The following ADGRB1 variants were observed in gnomAD, a reference collection of about 807,000 sequenced individuals.
The protein encoded by ADGRB1 is brain-specific angiogenesis inhibitor 1.
A neutral mutation model predicts 175.7 loss-of-function variants in ADGRB1; 36 were observed. The observed-to-expected ratio is 0.20, with a 90% CI of 0.16 to 0.27. ADGRB1 has a LOEUF of 0.27. Ranked by LOEUF, ADGRB1 falls within the 10% of genes least tolerant of loss-of-function variation. The probability of loss-of-function intolerance (pLI) is 1.00; values close to 1 mark genes in which losing one functional copy is unlikely to be tolerated. For missense variants in ADGRB1, 1,731 were observed against 2,255.3 expected (o/e 0.77, Z 4.71); for synonymous variants, 1,054 against 979.4 (o/e 1.08, Z -1.42).
chr8:142,478,121 A>T, intron 6 of ADGRB1, 66 bp from the exon 7 acceptor site: 1 of 1,549,818 alleles, frequency 6.5e-7, no homozygotes. Context: ...GCTCACACCC[A>T]CATTCCAAGC....
At chr8:142,522,910 C>T (rs1843934962) in intron 22 of ADGRB1, among the ~76,000 whole-genome samples, 200 bp downstream of exon 22, 1 of 152,220 alleles carries the variant, frequency 6.6e-6, no homozygotes, top group Non-Finnish European at 1.5e-5. Context: ...CAGCTTCTCC[C>T]TGGCAGCGAG....
At chr8:142,538,780 TC>T (rs562533094) in intron 26 of ADGRB1, among the ~76,000 whole-genome samples, 4 of 151,368 alleles carry the variant, frequency 2.6e-5, no homozygotes, top group Non-Finnish European at 5.9e-5. Context: ...ATGTTCAACA[TC>T]CCCCCCCACC....
At chr8:142,477,753 T>C (rs1051454482) in intron 6 of ADGRB1, among the ~76,000 whole-genome samples, 1 of 152,152 alleles carries the variant, frequency 6.6e-6, no homozygotes, top group African/African-American at 2.4e-5. Context: ...AGGCTGGGTG[T>C]GGGGTGGTGA....
At chr8:142,509,131 G>C (rs1177331603) in intron 17 of ADGRB1, among the ~76,000 whole-genome samples, 1 of 152,218 alleles carries the variant, frequency 6.6e-6, no homozygotes, top group Non-Finnish European at 1.5e-5. Flanking sequence ...CCCTGGGCCC[G>C]AATCTCAGGA....
rs1188407548 is a variant in ADGRB1, at chr8:142,541,935, C to T, written c.3707-6C>T. 6.5e-7 allele frequency: 1 copy of T among 1,542,992 alleles called. No homozygotes were observed. The highest frequency in any genetic ancestry group is 1.4e-5 in the African/African-American group (1 of 73,214). ...GTCCCCGCTGTCTCCCCCGCGGCCC[C>T]TGCAGTGCTGAACAAGGACATCGCG... is the stretch of plus-strand genomic sequence containing the variant. On this transcript the variant is annotated splice_region_variant and splice_polypyrimidine_tract_variant and intron_variant, in intron 27 of 30. Transcript: ENST00000517894.
At chr8:142,533,698 C>T (rs1844761807) in intron 25 of ADGRB1, among the ~76,000 whole-genome samples, 1 of 152,180 alleles carries the variant, frequency 6.6e-6, no homozygotes, top group Non-Finnish European at 1.5e-5. Context: ...CAAGGATGCC[C>T]TGCGCCCGCA....
chr8:142,519,938 G>A (rs541623966), intron 19 of ADGRB1, among the ~76,000 whole-genome samples: 1 of 150,468 alleles, frequency 6.6e-6, no homozygotes, highest in Non-Finnish European at 1.5e-5. Flanking sequence ...TGGTGGTGAT[G>A]GTGATGGCGT....
intron 17 of ADGRB1, among the ~76,000 whole-genome samples, chr8:142,497,960 C>T (rs767690737): frequency 3.9e-5 from 6 of 152,162 alleles, no homozygotes; most frequent in Non-Finnish European, 8.8e-5. Context: ...CAGGACAGAC[C>T]CTTGGGCCTG....
intron 18 of ADGRB1, among the ~76,000 whole-genome samples, chr8:142,512,927 G>A (rs1378441659): frequency 1.3e-5 from 2 of 152,132 alleles, no homozygotes; most frequent in African/African-American, 2.4e-5. Flanking sequence ...ATGTGCCCCA[G>A]TGCACGAGGG....
rs533970087 is a variant in ADGRB1, at chr8:142,522,215, C to T, written c.3175+100C>T. The stretch of plus-strand genomic sequence containing the variant: ...CTCCTCTCCCCATCCCCTGTGGACC[C>T]CTGGGGCCTCAGTTGCTGCTTGGGT... On this transcript the variant is annotated intron_variant, in intron 21 of 30. Transcript: ENST00000517894. The T allele has an allele frequency of 4.5e-4, 658 of 1,472,590 alleles. 2 individuals carry two copies. In the African/African-American group the frequency reaches 7.6e-3, roughly 17 times the overall value. 91.2% of individuals were successfully genotyped at this position (1,472,590 alleles called of 1,614,324 possible).
At chr8:142,456,519 G>A (rs1273166120) in intron 1 of ADGRB1, among the ~76,000 whole-genome samples, 2 of 151,974 alleles carry the variant, frequency 1.3e-5, no homozygotes, top group African/African-American at 4.8e-5. Flanking sequence ...TTCCCCACTC[G>A]CTCACACACA....
chr8:142,536,963 A>T, intron 25 of ADGRB1, 24 bp from the exon 26 acceptor site: 1 of 1,558,784 alleles, frequency 6.4e-7, no homozygotes, highest in Non-Finnish European at 8.7e-7. Flanking sequence ...GCTGCCACTG[A>T]GGTGCTCGGC....
chr8:142,526,266 G>A (rs1259058348), intron 23 of ADGRB1, among the ~76,000 whole-genome samples: 1 of 152,214 alleles, frequency 6.6e-6, no homozygotes, highest in African/African-American at 2.4e-5. Flanking sequence ...GGCCCTGTGG[G>A]TGGGGAGCTC....
intron 23 of ADGRB1, among the ~76,000 whole-genome samples, chr8:142,525,438 C>T (rs1378710401): frequency 1.3e-5 from 2 of 152,044 alleles, no homozygotes; most frequent in Admixed American, 1.3e-4. Flanking sequence ...GCCCCAGCAG[C>T]CCCTCCTGTC....
rs1563740175 is a variant in ADGRB1 at position 142,524,595 on chromosome 8, G to C, written c.3312+291G>C. ...CTGCCAGGAGATCCCCGCGGGTGTG[G>C]TGAGTGAGTGGCATGGGAGGAAGCT... is the stretch of plus-strand genomic sequence containing the variant. On this transcript the variant is annotated intron_variant, in intron 23 of 30. Coordinates refer to ENST00000517894, the MANE Select transcript of ADGRB1 (RefSeq NM_001702.3). 2.0e-5 allele frequency among the ~76,000 whole-genome samples: 3 copies of C among 152,338 alleles called. No homozygotes were observed. In the South Asian group the frequency reaches 6.2e-4, roughly 32 times the overall value.
chr8:142,500,951 G>A (rs1587355658), intron 17 of ADGRB1, among the ~76,000 whole-genome samples: 2 of 152,186 alleles, frequency 1.3e-5, no homozygotes, highest in East Asian at 1.9e-4. Flanking sequence ...TGTTGCTGGT[G>A]ATGGTGGTGG....
At chr8:142,488,153 G>T (rs945435960) in intron 13 of ADGRB1, among the ~76,000 whole-genome samples, 2 of 152,208 alleles carry the variant, frequency 1.3e-5, no homozygotes, top group Admixed American at 6.5e-5. Context: ...TCTGCCTGGT[G>T]CTCCTTGCTG....
chr8:142,463,398 A>C (rs1039546089), intron 1 of ADGRB1, among the ~76,000 whole-genome samples: 2 of 152,198 alleles, frequency 1.3e-5, no homozygotes, highest in Non-Finnish European at 2.9e-5. Flanking sequence ...CCTGCTCTCC[A>C]AGCCTTTAGA....
At chr8:142,523,260 G>T (rs533469815) in intron 22 of ADGRB1, among the ~76,000 whole-genome samples, 59 of 152,312 alleles carry the variant, frequency 3.9e-4, no homozygotes, top group African/African-American at 1.3e-3. Flanking sequence ...TCACCGGGTA[G>T]GGAGAAAGGG....
Sources: allele counts gnomAD v4.1 joint callset (sites outside exome capture counted in the v4.1 genomes callset), GRCh38; gene constraint gnomAD v4.1.1; transcripts MANE v1.5; gene names NCBI Gene and HGNC (gene_info 2026-07-23, HGNC 2026-07-21).